KLHL32: variants seen among roughly 807,000 people sequenced by gnomAD.
KLHL32 encodes kelch like family member 32.
KLHL32 carries 35 observed loss-of-function variants against 64.8 expected under a neutral mutation model. The ratio of observed to expected loss-of-function variants is 0.54; its 90% CI spans 0.41 to 0.72. KLHL32 has a LOEUF of 0.72. KLHL32 is among the 30% of genes least tolerant of loss of function. KLHL32 has a pLI of 0.00. For missense variants in KLHL32, 589 were observed against 768.5 expected, an observed-to-expected ratio of 0.77 and a Z score of 2.76; for synonymous variants, 259 against 281.0, an observed-to-expected ratio of 0.92 and a Z score of 0.78.
chr6:96,944,060 G>C (rs1771654993), intron 1 of KLHL32, among the ~76,000 whole-genome samples: 1 of 152,164 alleles, frequency 6.6e-6, no homozygotes. Context: ...TTGACCCCCA[G>C]CTGTATTCGT....
the KLHL32 span, among the ~76,000 whole-genome samples, chr6:96,908,330 C>A: frequency 6.6e-6 from 1 of 152,188 alleles, no homozygotes; most frequent in Admixed American, 6.5e-5. Context: ...CAAAACCTTG[C>A]CACACACAGA....
chr6:97,121,619 G>A (rs1798376712), intron 7 of KLHL32, among the ~76,000 whole-genome samples: 1 of 151,924 alleles, frequency 6.6e-6, no homozygotes, highest in Non-Finnish European at 1.5e-5. Flanking sequence ...CTTTAAAATT[G>A]GTGTTGTAAA....
intron 10 of KLHL32, among the ~76,000 whole-genome samples, chr6:97,135,138 A>G (rs1048579532): frequency 6.6e-6 from 1 of 152,072 alleles, no homozygotes; most frequent in African/African-American, 2.4e-5. Context: ...AGATTGTACA[A>G]TAATATATTC....
chr6:97,039,164 A>G (rs1269131356), intron 3 of KLHL32, among the ~76,000 whole-genome samples: 3 of 152,136 alleles, frequency 2.0e-5, no homozygotes, highest in African/African-American at 7.2e-5. Context: ...GAATGGACAA[A>G]GAAAATGTGG....
At chr6:97,138,169 G>T (rs1484814298) in intron 10 of KLHL32, among the ~76,000 whole-genome samples, 1 of 152,204 alleles carries the variant, frequency 6.6e-6, no homozygotes, top group Non-Finnish European at 1.5e-5. Flanking sequence ...CCTGAAGAAA[G>T]AATTTTCCTG....
the KLHL32 span, among the ~76,000 whole-genome samples, chr6:96,904,354 A>G: frequency 6.6e-6 from 1 of 151,236 alleles, no homozygotes. Context: ...AAAAAAAAAA[A>G]AAAAAGAAAA....
intron 1 of KLHL32, among the ~76,000 whole-genome samples, chr6:96,947,618 G>T (rs909809344): frequency 6.6e-6 from 1 of 152,020 alleles, no homozygotes; most frequent in Admixed American, 6.6e-5. Flanking sequence ...TGGTAATTTG[G>T]GAGTACAGAT....
chr6:97,091,527 T>A (rs968213092), intron 6 of KLHL32, among the ~76,000 whole-genome samples: 16 of 152,198 alleles, frequency 1.1e-4, no homozygotes, highest in African/African-American at 3.9e-4. Context: ...GTGTCTGATG[T>A]GGGGCTTTCC....
intron 4 of KLHL32, among the ~76,000 whole-genome samples, chr6:97,051,032 CAT>C (rs1221857876): frequency 6.6e-6 from 1 of 151,854 alleles, no homozygotes; most frequent in African/African-American, 2.4e-5. Flanking sequence ...ACAAAAAACA[CAT>C]GTGTTTGAAC....
chr6:96,991,993 G>A (rs1439318934), intron 3 of KLHL32, among the ~76,000 whole-genome samples: 3 of 152,190 alleles, frequency 2.0e-5, no homozygotes, highest in Non-Finnish European at 2.9e-5. Context: ...GCTTCCGAGC[G>A]GCAGAAATGG....
chr6:96,994,585 A>G lies in KLHL32; in HGVS notation c.204+18408A>G, dbSNP rs1032459948. 3.3e-5 allele frequency: 33 copies of G among 985,432 alleles called. No individual in the cohort carries two copies. In the South Asian group the frequency reaches 7.5e-4, roughly 22 times the overall value. The allele number at this position is 985,432 out of a possible 1,614,324, so 61.0% of individuals were successfully genotyped here. On this transcript the variant is annotated intron_variant, in intron 3 of 10. Transcript: ENST00000369261. ...CAAGAGTAAGAAGGCCGAAGCTTTG[A>G]TGGATCTTTTCCTTTATATTGGTCT...
chr6:96,925,355 TTAAAA>T (rs1769014358), intron 1 of KLHL32, among the ~76,000 whole-genome samples: 1 of 152,250 alleles, frequency 6.6e-6, no homozygotes, highest in Non-Finnish European at 1.5e-5. Flanking sequence ...ATTTTGATAT[TTAAAA>T]TAAAATATAC....
Position 97,037,392 on chromosome 6 carries a change from A to G in KLHL32, c.205-4100A>G, listed in dbSNP as rs943127295. 2.9e-5 allele frequency among the ~76,000 whole-genome samples: 4 copies of G among 138,288 alleles called. No homozygotes were observed. In the South Asian group the frequency reaches 6.4e-4, roughly 22 times the overall value. 90.7% of individuals were successfully genotyped at this position (138,288 alleles called of 152,430 possible). ...TTAATTTAAAATGTATAGACTTGTG[A>G]GGATAAAAAAATAACATTTGTTAAA... On this transcript the variant is annotated intron_variant, in intron 3 of 10. Transcript: ENST00000369261.
At chr6:97,027,978 T>A (rs1230347969) in intron 3 of KLHL32, among the ~76,000 whole-genome samples, 1 of 152,158 alleles carries the variant, frequency 6.6e-6, no homozygotes, top group Non-Finnish European at 1.5e-5. Context: ...ATCAAGAGGG[T>A]GATTGGAAGT....
At chr6:96,977,897 T>C (rs1041960749) in intron 3 of KLHL32, among the ~76,000 whole-genome samples, 2 of 152,136 alleles carry the variant, frequency 1.3e-5, no homozygotes, top group Admixed American at 1.3e-4. Flanking sequence ...TGATACAGAG[T>C]ATCTGTAAAG....
At chr6:96,985,789 G>C (rs996015904) in intron 3 of KLHL32, among the ~76,000 whole-genome samples, 5 of 152,044 alleles carry the variant, frequency 3.3e-5, no homozygotes, top group African/African-American at 9.7e-5. Flanking sequence ...TTTTTTTCAA[G>C]GTTTTTAACT....
intron 3 of KLHL32, among the ~76,000 whole-genome samples, chr6:96,985,841 G>A (rs912554577): frequency 2.6e-5 from 4 of 152,056 alleles, no homozygotes; most frequent in Non-Finnish European, 5.9e-5. Context: ...GCTCAGAGTA[G>A]TTTGATTGTC....
chr6:96,988,358 C>T (rs1332490515), intron 3 of KLHL32, among the ~76,000 whole-genome samples: 2 of 152,156 alleles, frequency 1.3e-5, no homozygotes, highest in Non-Finnish European at 2.9e-5. Context: ...AAAAAATGCT[C>T]ATCATCACTG....
intron 5 of KLHL32, among the ~76,000 whole-genome samples, chr6:97,066,145 T>C (rs1423731171): frequency 6.6e-6 from 1 of 152,238 alleles, no homozygotes; most frequent in African/African-American, 2.4e-5. Flanking sequence ...AAAATTACTT[T>C]TATTTGACAT....
Sources: gnomAD v4.1 joint callset for allele counts (sites outside exome capture counted in the v4.1 genomes callset) on GRCh38, gnomAD v4.1.1 for gene constraint, MANE v1.5 for transcripts, NCBI Gene and HGNC (gene_info 2026-07-23, HGNC 2026-07-21) for gene names.